The following GIT2 variants were observed in gnomAD, a reference collection of about 807,000 sequenced individuals.
The protein encoded by GIT2 is ARF GTPase-activating protein GIT2.
Under a neutral mutation model 100.3 loss-of-function variants are expected in GIT2, and 32 were observed. The ratio of observed to expected loss-of-function variants is 0.32; its 90% confidence interval spans 0.24 to 0.43. The LOEUF is 0.43. Ranked by LOEUF, GIT2 falls within the 20% of genes least tolerant of loss-of-function variation. GIT2 has a pLI of 1.00. For missense variants in GIT2, 737 were observed against 975.1 expected, an observed-to-expected ratio of 0.76 and a Z score of 3.25; for synonymous variants, 353 against 364.1, an observed-to-expected ratio of 0.97 and a Z score of 0.35.
chr12:109,961,995 G>A (rs988537886), intron 9 of GIT2, among the ~76,000 whole-genome samples: 1 of 152,028 alleles, frequency 6.6e-6, no homozygotes, highest in Non-Finnish European at 1.5e-5. Context: ...ATATCATCCT[G>A]TAAGCCTCCT....
At chr12:109,956,757 C>T (rs1879592295) in intron 12 of GIT2, among the ~76,000 whole-genome samples, 1 of 152,112 alleles carries the variant, frequency 6.6e-6, no homozygotes, top group Non-Finnish European at 1.5e-5. Context: ...TGGCTCATGC[C>T]TGTAATCCCA....
intron 7 of GIT2, among the ~76,000 whole-genome samples, chr12:109,970,552 T>C (rs1883600529): frequency 6.6e-6 from 1 of 152,148 alleles, no homozygotes; most frequent in Admixed American, 6.6e-5. Flanking sequence ...ACTGAACTGA[T>C]TACCTTTGCA....
At chr12:109,946,012 T>C (rs1876247867) in intron 15 of GIT2, among the ~76,000 whole-genome samples, 1 of 151,958 alleles carries the variant, frequency 6.6e-6, no homozygotes, top group Admixed American at 6.6e-5. Context: ...CATGTGCCTG[T>C]AGTCCCAGCT....
At chr12:109,938,336 C>A in intron 18 of GIT2, 44 bp downstream of exon 18, 1 of 1,426,694 alleles carries the variant, frequency 7.0e-7, no homozygotes, top group Non-Finnish European at 9.7e-7. Context: ...TTTCTGGGCG[C>A]ATAACTCATG....
At chr12:109,988,888 T>C in intron 4 of GIT2, 75 bp downstream of exon 4, 1 of 829,740 alleles carries the variant, frequency 1.2e-6, no homozygotes, top group Non-Finnish European at 2.0e-6. Flanking sequence ...AACCAGACTT[T>C]TTTTTCGTTT....
At position 109,991,634 on chromosome 12, in the gene GIT2, A is replaced by C; in HGVS notation, c.179T>G (p.Leu60Arg). 3 of 1,612,358 alleles carry C rather than the reference A, an allele frequency of 1.9e-6. No homozygotes were observed. The highest frequency in any genetic ancestry group is 2.5e-6 in the Non-Finnish European group (3 of 1,178,692). Reference sequence around the variant, plus strand: ...AGAATTCTTATCCTTTACCTGAAGCAGTGTTGGAGGCCACGGTGTGTGTTT... The same window carrying C: ...AGAATTCTTATCCTTTACCTGAAGCCGTGTTGGAGGCCACGGTGTGTGTTT... ...HLKHTPWPPT[L>R]LQMVETLYNN... Residue 60 changes from leucine to arginine, a missense_variant, in exon 2 of 20, where the codon CTG (leucine) becomes CGG (arginine). Coordinates refer to ENST00000355312, the MANE Select transcript of GIT2 (RefSeq NM_057169.5).
chr12:109,948,184 CG>C lies in GIT2; in HGVS notation c.1393-681del. ...GTAAGTTTGCTATATTAACATATCA[CG>C]AAGAAAACTGGAAACCTATTGATCT... On this transcript the variant is annotated intron_variant, in intron 14 of 19. Transcript: ENST00000355312. This position sits in a 1 kb window ranked among gnomAD's most constrained non-coding sequence, Gnocchi z 4.3. 1.0e-6 allele frequency: 1 copy of C among 981,886 alleles called. No individual in the cohort carries two copies. Among genetic ancestry groups the C allele is most frequent in the Non-Finnish European group, 1.2e-6 (1 of 826,900 alleles). The allele number at this position is 981,886 out of a possible 1,614,324, so 60.8% of individuals were successfully genotyped here.
In GIT2 at chr12:109,936,199, T is replaced by C. The variant is rs77342487; in HGVS notation, c.2004-2114A>G. On this transcript the variant is annotated intron_variant, in intron 18 of 19. Coordinates refer to ENST00000355312, the MANE Select transcript of GIT2 (RefSeq NM_057169.5). Reference sequence around the variant, plus strand: ...AAATATAAATTCTCTAGACCAATTATGGTTTTAAACCAAAAGAATGAGCTA... The same window carrying C: ...AAATATAAATTCTCTAGACCAATTACGGTTTTAAACCAAAAGAATGAGCTA... 5.9e-5 allele frequency among the ~76,000 whole-genome samples: 9 copies of C among 151,796 alleles called. No individual in the cohort carries two copies. In the East Asian group the frequency reaches 1.7e-3, roughly 29 times the overall value.
At chr12:109,998,881 GAC>G (rs1593189316), upstream of GIT2, 1 of 152,194 alleles carries the variant, frequency 6.6e-6, no homozygotes, top group East Asian at 1.9e-4. Flanking sequence ...ACAAGGACCG[GAC>G]AACCCCCACA....
rs368262539 is a variant in GIT2 at position 109,932,963 on chromosome 12, G to A, written c.*15C>T. ...ATAAAGCCTAGAAAACAGAGGAGGC[G>A]GTGCCCTGCCCTTGTCAGTTGTTGT... On this transcript the variant is annotated 3_prime_UTR_variant, in exon 20 of 20. Transcript: ENST00000355312. 8 of 1,477,680 alleles carry A rather than the reference G, an allele frequency of 5.4e-6. No individual in the cohort carries two copies. The highest frequency in any genetic ancestry group is 2.3e-5 in the East Asian group (1 of 44,256). The allele number at this position is 1,477,680 out of a possible 1,614,324, so 91.5% of individuals were successfully genotyped here.
intron 6 of GIT2, 162 bp from the exon 7 acceptor site, chr12:109,981,208 A>G (rs764209421): frequency 1.2e-5 from 7 of 600,122 alleles, no homozygotes; most frequent in Non-Finnish European, 2.1e-5. Flanking sequence ...TCTACTTTGC[A>G]TCCCACTTTT....
At chr12:109,972,942 C>A (rs1884250940) in intron 7 of GIT2, among the ~76,000 whole-genome samples, 1 of 152,104 alleles carries the variant, frequency 6.6e-6, no homozygotes, top group Admixed American at 6.6e-5. Flanking sequence ...CTCACCTCAG[C>A]CTCCAGAGTA....
chr12:109,936,544 T>C (rs562176410), intron 18 of GIT2, among the ~76,000 whole-genome samples: 68 of 152,322 alleles, frequency 4.5e-4, no homozygotes, highest in Admixed American at 3.9e-3. Flanking sequence ...GGGAAGAAAG[T>C]GTTATTGAAT....
chr12:109,982,865 C>G (rs763253447), intron 6 of GIT2: 1 of 151,812 alleles, frequency 6.6e-6, no homozygotes, highest in Non-Finnish European at 1.5e-5. Flanking sequence ...AGGCTGATCT[C>G]GAACTTCTGG....
intron 7 of GIT2, among the ~76,000 whole-genome samples, chr12:109,980,639 C>T (rs965527646): frequency 2.6e-5 from 4 of 152,114 alleles, no homozygotes; most frequent in African/African-American, 9.7e-5. Context: ...TGCTTTGCTC[C>T]TACATTCCTA....
At chr12:109,980,243 T>A (rs1046039065) in intron 7 of GIT2, among the ~76,000 whole-genome samples, 17 of 151,988 alleles carry the variant, frequency 1.1e-4, no homozygotes, top group African/African-American at 3.9e-4. Context: ...TTTAAAAAAC[T>A]TTTTTGTGGA....
Position 109,938,538 on chromosome 12 carries a change from C to G in GIT2, c.1845G>C (p.Met615Ile). The change falls in exon 18 of 20, where the codon ATG becomes ATC. Residue 615 changes from methionine (M) to isoleucine (I), a missense_variant. By Grantham distance (10) the Met-to-Ile change is conservative. Around this residue, in one of 3 missense-constraint regions of GIT2, gnomAD observed 451 missense variants for 543.7 expected, o/e 0.83. Transcript: ENST00000355312. ...GSSRKGRQRS[M>I]VWPGDGLVPD... is the part of the protein sequence containing the mutation. ...GTACCAAGCCATCCCCTGGCCACAC[C>G]ATACTTCTTTGCCGTCCCTTTCGGC... 3.7e-6 allele frequency: 6 copies of G among 1,607,490 alleles called. No individual in the cohort carries two copies. The highest frequency in any genetic ancestry group is 5.1e-6 in the Non-Finnish European group (6 of 1,177,438).
rs113590433 is a variant in GIT2, at chr12:109,943,692, C to CT, written c.1731+1567dup. Among the ~76,000 whole-genome samples, 655 of 137,898 alleles carry CT rather than the reference C, an allele frequency of 4.7e-3. 2 individuals are homozygous for CT. Among genetic ancestry groups the CT allele is most frequent in the Middle Eastern group, 0.016 (4 of 258 alleles). 90.5% of individuals were successfully genotyped at this position (137,898 alleles called of 152,430 possible). On this transcript the variant is annotated intron_variant, in intron 16 of 19. Transcript: ENST00000355312. ...TTTTTTTTTTTTAGTACAGTAATTCCTTTTTTTTTTTTGAGACAGGGCCTC... is the reference window on the plus strand; with the variant it reads ...TTTTTTTTTTTTAGTACAGTAATTCCTTTTTTTTTTTTTGAGACAGGGCCTC...
Position 109,948,302 on chromosome 12 carries a change from G to A in GIT2, c.1393-798C>T. 1.0e-6 allele frequency: 1 copy of A among 987,194 alleles called. No individual in the cohort carries two copies. Among genetic ancestry groups the A allele is most frequent in the Non-Finnish European group, 1.2e-6 (1 of 831,214 alleles). The allele number at this position is 987,194 out of a possible 1,614,324, so 61.2% of individuals were successfully genotyped here. A position where few individuals can be genotyped will look rare whatever the true frequency, so the allele number is the denominator to read the frequency against. ...CTTTCGGCCAGGGCTGGAATATTTG[G>A]CCTTTCTCTCCTTTGGCTTTGTCAC... is the stretch of plus-strand genomic sequence containing the variant. On this transcript the variant is annotated intron_variant, in intron 14 of 19. Transcript: ENST00000355312. The surrounding 1 kb of genome is among the most constrained non-coding windows in gnomAD (Gnocchi z 4.3).
Sources: gnomAD v4.1 joint callset for allele counts (sites outside exome capture counted in the v4.1 genomes callset) on GRCh38, gnomAD v4.1.1 for gene constraint, gnomAD v4.1.1 regional missense constraint, Gnocchi (gnomAD v3.1) non-coding constraint, MANE v1.5 for transcripts, NCBI Gene and HGNC (gene_info 2026-07-23, HGNC 2026-07-21) for gene names.